The following ARID1B variants were observed in gnomAD, a reference collection of about 807,000 sequenced individuals.
The protein encoded by ARID1B is AT-rich interaction domain 1B.
ARID1B carries 30 observed loss-of-function variants against 212.3 expected under a neutral mutation model. The observed-to-expected ratio is 0.14, with a 90% CI of 0.11 to 0.19. The LOEUF (loss-of-function observed/expected upper bound fraction) is 0.19, where lower values mean the gene tolerates loss of function less well. Among genes scored for constraint, ARID1B ranks in the 10% least tolerant of loss-of-function variants. The pLI is 1.00. For synonymous variants in ARID1B, 1,402 were observed against 1,301.7 expected, an observed-to-expected ratio of 1.08 and a Z score of -1.66; for missense variants, 2,891 against 3,204.0, an observed-to-expected ratio of 0.90 and a Z score of 2.36.
Position 156,901,541 on chromosome 6 carries a change from T to C in ARID1B, c.2136+16T>C, listed in dbSNP as rs1180713937. On this transcript the variant is annotated intron_variant, in intron 3 of 19. Transcript: ENST00000636930. ...GCCGCAGCAGGTGAGCACAGTGCACTGCCCCGCAGGGCCCTGTTTTCTCCA... is the reference window on the plus strand; with the variant it reads ...GCCGCAGCAGGTGAGCACAGTGCACCGCCCCGCAGGGCCCTGTTTTCTCCA... 6.2e-7 allele frequency: 1 copy of C among 1,609,972 alleles called. No homozygotes were observed.
intron 2 of ARID1B, among the ~76,000 whole-genome samples, chr6:156,875,128 T>C (rs1425730258): frequency 6.6e-6 from 1 of 152,226 alleles, no homozygotes; most frequent in African/African-American, 2.4e-5. Flanking sequence ...TAGATATATA[T>C]TTGAGGCTGA....
At chr6:156,906,951 C>G (rs1789444349) in intron 3 of ARID1B, among the ~76,000 whole-genome samples, 1 of 152,120 alleles carries the variant, frequency 6.6e-6, no homozygotes, top group South Asian at 2.1e-4. Flanking sequence ...ACAAATGTAA[C>G]AGACTTTGTA....
intron 16 of ARID1B, among the ~76,000 whole-genome samples, chr6:157,197,407 A>C (rs1017079565): frequency 3.3e-5 from 5 of 152,226 alleles, no homozygotes; most frequent in Admixed American, 6.5e-5. Flanking sequence ...TCAGTGGGAA[A>C]GCTTCCTCAG....
intron 5 of ARID1B, among the ~76,000 whole-genome samples, chr6:157,090,807 A>G (rs1785231783): frequency 6.6e-6 from 1 of 152,216 alleles, no homozygotes; most frequent in Admixed American, 6.5e-5. Context: ...GGCACAGGTC[A>G]GGAGGAATCT....
intron 13 of ARID1B, 90 bp downstream of exon 13, chr6:157,184,525 C>A: frequency 6.8e-7 from 1 of 1,473,572 alleles, no homozygotes; most frequent in Non-Finnish European, 9.3e-7. Context: ...GTCAGGCCAA[C>A]AGGGAACTTG....
Position 157,110,697 on chromosome 6 carries a change from T to C in ARID1B, c.2581+136T>C, listed in dbSNP as rs1420731778. On this transcript the variant is annotated intron_variant, in intron 6 of 19. Coordinates refer to ENST00000636930, the MANE Select transcript of ARID1B (RefSeq NM_001374828.1). ...ATGTTTTCTTATCAGACGGAAGAAA[T>C]AAAAGCCCTTCCAACAAATATGGAG... 14 of 851,306 alleles carry C rather than the reference T, an allele frequency of 1.6e-5. No homozygotes were observed. In the East Asian group the frequency reaches 3.2e-4, roughly 19 times the overall value. 52.7% of individuals were successfully genotyped at this position (851,306 alleles called of 1,614,324 possible).
chr6:157,192,538 CT>C (rs1481097677), intron 15 of ARID1B, among the ~76,000 whole-genome samples: 1 of 152,140 alleles, frequency 6.6e-6, no homozygotes, highest in African/African-American at 2.4e-5. Flanking sequence ...CACACTTTCA[CT>C]TACGATATTT....
chr6:157,025,025 G>A (rs530558407), intron 4 of ARID1B, among the ~76,000 whole-genome samples: 9 of 152,240 alleles, frequency 5.9e-5, no homozygotes, highest in East Asian at 1.9e-4. Context: ...TCATTTGCTC[G>A]TTTTCATGTT....
At chr6:157,036,708 T>A (rs1019177775) in intron 4 of ARID1B, 4 of 394,324 alleles carry the variant, frequency 1.0e-5, no homozygotes, top group Non-Finnish European at 2.0e-5. Flanking sequence ...TCTTGACAAC[T>A]GACATAAATG....
intron 4 of ARID1B, among the ~76,000 whole-genome samples, chr6:157,027,403 G>T (rs1241177291): frequency 1.3e-5 from 2 of 152,128 alleles, no homozygotes; most frequent in Non-Finnish European, 2.9e-5. Flanking sequence ...AAATGTCTTT[G>T]GTCGTAACCA....
At position 157,054,692 on chromosome 6, in the gene ARID1B, A is replaced by C. The variant is rs141921014; in HGVS notation, c.2248-29970A>C. ...TTGTTCACATTGAGCTGTGAAAGGC[A>C]AAAGAACCACAGCCTAGGCCTACTT... On this transcript the variant is annotated intron_variant, in intron 4 of 19. Coordinates refer to ENST00000636930, the MANE Select transcript of ARID1B (RefSeq NM_001374828.1). Among the ~76,000 whole-genome samples, 4 of 152,318 alleles carry C rather than the reference A, an allele frequency of 2.6e-5. No homozygotes were observed. The East Asian group carries it at 7.7e-4, about 29-fold the overall frequency.
intron 4 of ARID1B, among the ~76,000 whole-genome samples, chr6:157,032,190 C>T (rs1340655468): frequency 6.6e-6 from 1 of 152,188 alleles, no homozygotes; most frequent in Non-Finnish European, 1.5e-5. Context: ...TGGATACATT[C>T]AAATATTTAA....
chr6:156,939,629 C>T (rs1422498879), intron 4 of ARID1B: 1 of 152,054 alleles, frequency 6.6e-6, no homozygotes, highest in Non-Finnish European at 1.5e-5. Flanking sequence ...TCTCGGGGCA[C>T]CTGTGCTCTC....
At chr6:157,106,119 CTG>C (rs1208491518) in intron 5 of ARID1B, among the ~76,000 whole-genome samples, 2 of 152,064 alleles carry the variant, frequency 1.3e-5, no homozygotes, top group Non-Finnish European at 2.9e-5. Flanking sequence ...AGACTGGAAA[CTG>C]TCTAAATGCC....
chr6:156,998,413 C>G (rs1382429106), intron 4 of ARID1B, among the ~76,000 whole-genome samples: 1 of 152,104 alleles, frequency 6.6e-6, no homozygotes. Flanking sequence ...TTAGTAGAGA[C>G]AGGGTTTCAC....
Position 157,209,553 on chromosome 6 carries a change from C to G in ARID1B, c.*1662C>G, listed in dbSNP as rs1794672945. Reference sequence around the variant, plus strand: ...TGCTGACCCACTTGAGGTGAGATCTCAGAAGCTTAACTGGCCTGAAAATGT... The same window carrying G: ...TGCTGACCCACTTGAGGTGAGATCTGAGAAGCTTAACTGGCCTGAAAATGT... On this transcript the variant is annotated 3_prime_UTR_variant, in exon 20 of 20. Coordinates refer to ENST00000636930, the MANE Select transcript of ARID1B (RefSeq NM_001374828.1). 1 of 233,190 alleles carries G rather than the reference C, an allele frequency of 4.3e-6. No homozygotes were observed. The allele number at this position is 233,190 out of a possible 1,614,324, so 14.4% of individuals were successfully genotyped here. A position where few individuals can be genotyped will look rare whatever the true frequency, so the allele number is the denominator to read the frequency against.
In ARID1B at chr6:157,000,696, CTTTTTT is replaced by C. The variant is rs10536002; in HGVS notation, c.2247+65135_2247+65140del. ...TTCTAAACACCCATTTCTAATTATT[CTTTTTT>C]TTTTTTTTTTTTTTGAGACAGAGTC... On this transcript the variant is annotated intron_variant, in intron 4 of 19. Transcript: ENST00000636930. Among the ~76,000 whole-genome samples, 129 of 99,214 alleles carry C rather than the reference CTTTTTT, an allele frequency of 1.3e-3. 2 individuals are homozygous for C. Among genetic ancestry groups the C allele is most frequent in the African/African-American group, 5.0e-3 (124 of 25,044 alleles). The allele number at this position is 99,214 out of a possible 152,430, so 65.1% of individuals were successfully genotyped here.
chr6:157,067,715 A>G (rs575924103), intron 4 of ARID1B, among the ~76,000 whole-genome samples: 1 of 152,300 alleles, frequency 6.6e-6, no homozygotes, highest in Non-Finnish European at 1.5e-5. Flanking sequence ...ATTCACACAG[A>G]AAGTATTATA....
intron 4 of ARID1B, among the ~76,000 whole-genome samples, chr6:156,966,121 A>T (rs774923842): frequency 6.6e-6 from 1 of 152,176 alleles, no homozygotes; most frequent in Non-Finnish European, 1.5e-5. Flanking sequence ...ATGTACTGCT[A>T]ATTTATCATT....
Sources: gnomAD v4.1 joint callset for allele counts (sites outside exome capture counted in the v4.1 genomes callset) on GRCh38, gnomAD v4.1.1 for gene constraint, MANE v1.5 for transcripts, NCBI Gene and HGNC (gene_info 2026-07-23, HGNC 2026-07-21) for gene names.